ALDH1A2: variants seen among roughly 807,000 people sequenced by gnomAD.
ALDH1A2 encodes aldehyde dehydrogenase 1 family member A2, also known as retinal dehydrogenase 2.
A neutral mutation model predicts 60.3 loss-of-function variants in ALDH1A2; 27 were observed. The observed-to-expected ratio is 0.45, with a 90% confidence interval of 0.33 to 0.62. The LOEUF (loss-of-function observed/expected upper bound fraction) is 0.62, where lower values mean the gene tolerates loss of function less well. Among genes scored for constraint, ALDH1A2 ranks in the 20% least tolerant of loss-of-function variants. The pLI is 0.02. For missense variants in ALDH1A2, 581 were observed against 643.8 expected (o/e 0.90, Z 1.06); for synonymous variants, 289 against 232.4 (o/e 1.24, Z -2.21).
At chr15:58,052,169 T>TTGGTAA (rs1251348617) in intron 1 of ALDH1A2, among the ~76,000 whole-genome samples, 1 of 152,136 alleles carries the variant, frequency 6.6e-6, no homozygotes, top group Non-Finnish European at 1.5e-5. Context: ...GGACTACTCT[T>TTGGTAA]TGGTAACCAT....
chr15:58,052,603 T>C (rs1211948718), intron 1 of ALDH1A2, among the ~76,000 whole-genome samples: 1 of 152,262 alleles, frequency 6.6e-6, no homozygotes, highest in African/African-American at 2.4e-5. Context: ...ACAAAGCATT[T>C]TCATATTTCC....
rs67551670 is a variant in ALDH1A2 at position 57,958,214 on chromosome 15, G to GCGCACACACACACA, written c.1484+2555_1484+2556insTGTGTGTGTGTGCG. Among the ~76,000 whole-genome samples, 263 of 151,680 alleles carry GCGCACACACACACA rather than the reference G, an allele frequency of 1.7e-3. No homozygotes were observed. In the Middle Eastern group the frequency reaches 0.024, roughly 14 times the overall value. On this transcript the variant is annotated intron_variant, in intron 12 of 12. Coordinates refer to ENST00000249750, the MANE Select transcript of ALDH1A2 (RefSeq NM_003888.4). ...TCTGTATGCATGCGTGTACACGCAC[G>GCGCACACACACACA]CACACACACACATAAATTTGACAAG...
chr15:58,029,870 C>A (rs1389593582), intron 1 of ALDH1A2, among the ~76,000 whole-genome samples: 1 of 152,066 alleles, frequency 6.6e-6, no homozygotes, highest in Non-Finnish European at 1.5e-5. Context: ...GACCAATAAT[C>A]AGTTCTGAAA....
rs775761595 is a variant in ALDH1A2, at chr15:57,992,965, T to C, written c.664A>G (p.Met222Val). Residue 222 changes from methionine to valine, a missense_variant, in exon 6 of 13, where the codon ATG becomes GTG. By Grantham distance (21) the Met-to-Val change is conservative. Around this residue, in one of 2 missense-constraint regions of ALDH1A2, gnomAD observed 375 missense variants for 469.7 expected, o/e 0.80. Coordinates refer to ENST00000249750, the MANE Select transcript of ALDH1A2 (RefSeq NM_003888.4). ...CTTACCTCCTTGATGAGGGCTCCCA[T>C]GTAGAGTGCACTGAGTGGTGTTTGC... is the stretch of plus-strand genomic sequence containing the variant. ...AEQTPLSALY[M>V]GALIKEAGFP... The C allele has an allele frequency of 2.4e-5, 39 of 1,613,904 alleles. No individual in the cohort carries two copies. The highest frequency in any genetic ancestry group is 1.3e-4 in the South Asian group (12 of 91,088).
intron 1 of ALDH1A2, among the ~76,000 whole-genome samples, chr15:58,029,129 G>C (rs979786222): frequency 9.9e-5 from 15 of 152,094 alleles, no homozygotes; most frequent in African/African-American, 3.6e-4. Flanking sequence ...CTCTAAAACT[G>C]ACCACATAAT....
At chr15:57,991,297 T>A (rs1393951712) in intron 7 of ALDH1A2, 5 of 152,212 alleles carry the variant, frequency 3.3e-5, no homozygotes, top group Non-Finnish European at 7.3e-5. Context: ...CCTTTCATAC[T>A]CACATTTTGG....
chr15:58,010,993 C>T (rs923290010), intron 3 of ALDH1A2, among the ~76,000 whole-genome samples: 1 of 152,160 alleles, frequency 6.6e-6, no homozygotes, highest in Non-Finnish European at 1.5e-5. Context: ...GTGCATATTC[C>T]TGTGCTTCCA....
intron 12 of ALDH1A2, among the ~76,000 whole-genome samples, chr15:57,957,013 C>T (rs1893549513): frequency 6.6e-6 from 1 of 152,314 alleles, no homozygotes; most frequent in Non-Finnish European, 1.5e-5. Flanking sequence ...TCTCTGGGTC[C>T]TGAGCAGTGA....
chr15:57,963,253 G>A (rs939048057), intron 9 of ALDH1A2, among the ~76,000 whole-genome samples: 3 of 152,136 alleles, frequency 2.0e-5, no homozygotes, highest in African/African-American at 2.4e-5. Flanking sequence ...TGGAAGGACT[G>A]GGACTGGGTT....
At chr15:58,005,333 T>A (rs1344064166) in intron 4 of ALDH1A2, among the ~76,000 whole-genome samples, 1 of 152,012 alleles carries the variant, frequency 6.6e-6, no homozygotes, top group Non-Finnish European at 1.5e-5. Context: ...CACACTATAT[T>A]GCAGTTGCTT....
chr15:57,963,336 G>T (rs1443015326), intron 9 of ALDH1A2, among the ~76,000 whole-genome samples: 1 of 149,040 alleles, frequency 6.7e-6, no homozygotes, highest in East Asian at 2.0e-4. Flanking sequence ...AGTCCCAAAG[G>T]TCAGAATATT....
At chr15:58,022,614 A>T (rs1165840594) in intron 1 of ALDH1A2, among the ~76,000 whole-genome samples, 2 of 152,170 alleles carry the variant, frequency 1.3e-5, no homozygotes, top group Non-Finnish European at 2.9e-5. Context: ...AAAGACAGGC[A>T]CACTCAACCC....
intron 1 of ALDH1A2, among the ~76,000 whole-genome samples, chr15:58,018,092 A>C (rs1467843454): frequency 1.3e-5 from 2 of 152,094 alleles, no homozygotes; most frequent in Non-Finnish European, 2.9e-5. Context: ...CTCCTTGGAG[A>C]AATGGTTTAT....
rs184509204 is a variant in ALDH1A2 at position 58,011,191 on chromosome 15, T to C, written c.364-413A>G. 1.7e-3 allele frequency among the ~76,000 whole-genome samples: 265 copies of C among 152,224 alleles called. 1 individual carries two copies. The highest frequency in any genetic ancestry group is 0.011 in the Admixed American group (166 of 15,286). ...GGGCTCTTTATGCAACTGATGAGAA[T>C]AGAAAGTGTTCTCCACAGCTGCCAA... On this transcript the variant is annotated intron_variant, in intron 3 of 12. Coordinates refer to ENST00000249750, the MANE Select transcript of ALDH1A2 (RefSeq NM_003888.4).
Position 58,046,007 on chromosome 15 carries a change from C to A in ALDH1A2, c.117+19527G>T, listed in dbSNP as rs546980101. 2.0e-5 allele frequency among the ~76,000 whole-genome samples: 3 copies of A among 152,094 alleles called. No individual in the cohort carries two copies. The South Asian group carries it at 6.2e-4, about 32-fold the overall frequency. The stretch of plus-strand genomic sequence containing the variant: ...TTCAAAGCGTCTTAGATTCTGGGCA[C>A]CATGGCAGGAAATGTCATATATTTT... On this transcript the variant is annotated intron_variant, in intron 1 of 12. Transcript: ENST00000249750.
intron 7 of ALDH1A2, among the ~76,000 whole-genome samples, chr15:57,986,863 C>A (rs1373104889): frequency 3.9e-5 from 6 of 151,962 alleles, no homozygotes; most frequent in African/African-American, 1.5e-4. Flanking sequence ...CTATGTTGGC[C>A]GGGTTGGTCT....
intron 7 of ALDH1A2, chr15:57,980,381 G>C (rs1347733989): frequency 5.4e-6 from 2 of 371,820 alleles, no homozygotes; most frequent in East Asian, 7.0e-5. Context: ...GATGAAGTTG[G>C]AGAGGTTTTC....
chr15:58,052,177 C>A (rs1208564207), intron 1 of ALDH1A2, among the ~76,000 whole-genome samples: 1 of 152,080 alleles, frequency 6.6e-6, no homozygotes, highest in Non-Finnish European at 1.5e-5. Flanking sequence ...CTTTGGTAAC[C>A]ATGAGTACAT....
At chr15:57,966,096 A>C (rs182089330) in intron 7 of ALDH1A2, among the ~76,000 whole-genome samples, 42 of 152,344 alleles carry the variant, frequency 2.8e-4, no homozygotes, top group African/African-American at 9.6e-4. Flanking sequence ...AATCACTGAA[A>C]GATTTCTCTA....
Sources: gnomAD v4.1 joint callset for allele counts (sites outside exome capture counted in the v4.1 genomes callset) on GRCh38, gnomAD v4.1.1 for gene constraint, gnomAD v4.1.1 regional missense constraint, MANE v1.5 for transcripts, NCBI Gene and HGNC (gene_info 2026-07-23, HGNC 2026-07-21) for gene names.